VPS8: variants seen among roughly 807,000 people sequenced by gnomAD.
VPS8 encodes VPS8 subunit of CORVET complex.
A neutral mutation model predicts 216.4 loss-of-function variants in VPS8; 129 were observed. The observed-to-expected ratio is 0.60, with a 90% CI of 0.52 to 0.69. VPS8 has a LOEUF of 0.69. VPS8 is among the 30% of genes least tolerant of loss of function. The pLI, the probability that VPS8 is intolerant of heterozygous loss-of-function variation, is 0.00. For synonymous variants in VPS8, 571 were observed against 565.4 expected (o/e 1.01, Z -0.14); for missense variants, 1,531 against 1,683.5 (o/e 0.91, Z 1.59).
At chr3:184,979,987 G>C (rs758959105) in intron 40 of VPS8, among the ~76,000 whole-genome samples, 50 of 152,218 alleles carry the variant, frequency 3.3e-4, no homozygotes, top group Non-Finnish European at 6.5e-4. Context: ...AGACATGTCT[G>C]GTGGTAACGA....
rs749770164 is a variant in VPS8, at chr3:184,855,784, C to T, written c.1109C>T (p.Ala370Val). The T allele has an allele frequency of 6.2e-7, 1 of 1,613,660 alleles. No individual in the cohort carries two copies. Among genetic ancestry groups the T allele is most frequent in the Admixed American group, 1.7e-5 (1 of 59,958 alleles). ...CAAAATTACGTGAATCCCATGCTTGCCTTCTGCAGAGGAGATGTTGTTCAT... is the reference window on the plus strand; with the variant it reads ...CAAAATTACGTGAATCCCATGCTTGTCTTCTGCAGAGGAGATGTTGTTCAT... ...AVQNYVNPML[A>V]FCRGDVVHFL... is the part of the protein sequence containing the mutation. Residue 370 changes from alanine to valine, a missense_variant, in exon 14 of 48, where the codon GCC (alanine) becomes GTC (valine). By Grantham distance (64) the Ala-to-Val change is moderately conservative (BLOSUM62 0). Around this residue, in one of 3 missense-constraint regions of VPS8, gnomAD observed 1,318 missense variants for 1,468.4 expected, o/e 0.90. Coordinates refer to ENST00000625842, the MANE Select transcript of VPS8 (RefSeq NM_001009921.3).
chr3:184,947,354 T>C (rs968506265), intron 36 of VPS8, among the ~76,000 whole-genome samples: 26 of 152,264 alleles, frequency 1.7e-4, no homozygotes, highest in Middle Eastern at 3.4e-3. Flanking sequence ...GGTGGGTAGC[T>C]CTGGAGAGAT....
Position 184,976,091 on chromosome 3 carries a change from T to G in VPS8, c.3420+4339T>G, listed in dbSNP as rs548692276. On this transcript the variant is annotated intron_variant, in intron 40 of 47. Coordinates refer to ENST00000625842, the MANE Select transcript of VPS8 (RefSeq NM_001009921.3). ...AGCTCCCATTGTAATTATGTGTATA[T>G]GTTTATAATTATTATACATTTCCAT... Among the ~76,000 whole-genome samples the G allele has an allele frequency of 4.6e-5, 7 of 152,296 alleles. No individual in the cohort carries two copies. The South Asian group carries it at 1.4e-3, about 32-fold the overall frequency.
In VPS8 at chr3:184,856,270, A is replaced by C. The variant is rs116289521; in HGVS notation, c.1143+452A>C. Among the ~76,000 whole-genome samples, 21 of 152,344 alleles carry C rather than the reference A, an allele frequency of 1.4e-4. No homozygotes were observed. In the East Asian group the frequency reaches 3.9e-3, roughly 28 times the overall value. ...TTTGAAAAGCAAAATCAGTGTGTTCATTATTACTACAGAAAATGGTTTAAG... is the reference window on the plus strand; with the variant it reads ...TTTGAAAAGCAAAATCAGTGTGTTCCTTATTACTACAGAAAATGGTTTAAG... On this transcript the variant is annotated intron_variant, in intron 14 of 47. Coordinates refer to ENST00000625842, the MANE Select transcript of VPS8 (RefSeq NM_001009921.3).
At chr3:184,908,514 G>T (rs952416339) in intron 25 of VPS8, among the ~76,000 whole-genome samples, 1 of 152,236 alleles carries the variant, frequency 6.6e-6, no homozygotes, top group Non-Finnish European at 1.5e-5. Context: ...CCCAGATGGG[G>T]TGTTAGTGTG....
intron 34 of VPS8, among the ~76,000 whole-genome samples, chr3:184,933,201 A>C (rs185219402): frequency 2.1e-3 from 325 of 152,324 alleles, no homozygotes; most frequent in Middle Eastern, 0.01. Flanking sequence ...GCACTGTATG[A>C]GAGTTCCTAT....
intron 23 of VPS8, among the ~76,000 whole-genome samples, chr3:184,898,322 A>C (rs1192212910): frequency 1.3e-5 from 2 of 152,204 alleles, no homozygotes; most frequent in Non-Finnish European, 2.9e-5. Flanking sequence ...GGAAGGATAG[A>C]GAAGAAACAA....
intron 36 of VPS8, among the ~76,000 whole-genome samples, chr3:184,950,893 G>A (rs1408700440): frequency 6.6e-6 from 1 of 152,140 alleles, no homozygotes; most frequent in East Asian, 1.9e-4. Flanking sequence ...CAAAGGACAT[G>A]ATCTCATTCC....
intron 25 of VPS8, among the ~76,000 whole-genome samples, chr3:184,905,674 G>C (rs1436653888): frequency 2.0e-5 from 3 of 149,226 alleles, no homozygotes; most frequent in African/African-American, 7.4e-5. Context: ...TTTGGTTCAG[G>C]GCTCAATATC....
chr3:184,869,413 C>G, intron 19 of VPS8, 69 bp from the exon 20 acceptor site: 1 of 1,470,568 alleles, frequency 6.8e-7, no homozygotes, highest in Non-Finnish European at 9.4e-7. Flanking sequence ...AATATGAAAC[C>G]AGACATAGTT....
intron 2 of VPS8, 127 bp downstream of exon 2, chr3:184,824,912 T>TG: frequency 1.1e-6 from 1 of 933,504 alleles, no homozygotes; most frequent in African/African-American, 1.7e-5. Context: ...ATAATTTTTT[T>TG]TTTTTTTTTT....
At chr3:184,932,017 G>A (rs1740776831) in intron 34 of VPS8, among the ~76,000 whole-genome samples, 1 of 152,116 alleles carries the variant, frequency 6.6e-6, no homozygotes, top group African/African-American at 2.4e-5. Context: ...AAGTATTTTT[G>A]CTACACAATA....
intron 21 of VPS8, among the ~76,000 whole-genome samples, chr3:184,874,216 A>T (rs571748231): frequency 8.5e-5 from 13 of 152,314 alleles, no homozygotes; most frequent in Non-Finnish European, 1.8e-4. Flanking sequence ...AAGATAGTAT[A>T]TTCCTGGAAT....
chr3:185,024,325 T>G lies in VPS8; in HGVS notation c.4003-11T>G. 3 of 1,580,568 alleles carry G rather than the reference T, an allele frequency of 1.9e-6. No homozygotes were observed. The highest frequency in any genetic ancestry group is 2.6e-6 in the Non-Finnish European group (3 of 1,161,572). On this transcript the variant is annotated splice_polypyrimidine_tract_variant and intron_variant, in intron 45 of 47. Transcript: ENST00000625842. ...TGAAAGGGTATTAAAATGTTTGCCT[T>G]TTTTTTCCAGGTAAAAATGTCTCCA...
At chr3:185,030,286 T>C (rs1577220475) in intron 46 of VPS8, among the ~76,000 whole-genome samples, 1 of 152,196 alleles carries the variant, frequency 6.6e-6, no homozygotes, top group Non-Finnish European at 1.5e-5. Context: ...CACAGAAAAG[T>C]TGGGTCTGTT....
At chr3:184,971,601 T>G (rs1383313592) in intron 39 of VPS8, 48 bp from the exon 40 acceptor site, 4 of 1,465,006 alleles carry the variant, frequency 2.7e-6, no homozygotes, top group African/African-American at 1.4e-5. Context: ...GCTCTGAGAT[T>G]ATCAGCAACA....
intron 3 of VPS8, among the ~76,000 whole-genome samples, chr3:184,827,260 A>G (rs1281715685): frequency 6.6e-6 from 1 of 151,862 alleles, no homozygotes; most frequent in Non-Finnish European, 1.5e-5. Context: ...TATGTCTTTT[A>G]TTTTTCTTGT....
chr3:185,046,593 A>G (rs1264874869), intron 46 of VPS8, among the ~76,000 whole-genome samples: 3 of 152,080 alleles, frequency 2.0e-5, no homozygotes, highest in African/African-American at 4.8e-5. Context: ...ATTTCATCCC[A>G]TTGTTCTTTC....
chr3:184,931,976 C>T lies in VPS8; in HGVS notation c.2898+1408C>T, dbSNP rs1576884341. Among the ~76,000 whole-genome samples, 3 of 152,102 alleles carry T rather than the reference C, an allele frequency of 2.0e-5. No individual in the cohort carries two copies. The East Asian group carries it at 5.8e-4, about 29-fold the overall frequency. ...TAAATTAATCAATGAGCAAACATTG[C>T]TCAGCAAAAAACTCAAGCTAGGGGA... On this transcript the variant is annotated intron_variant, in intron 34 of 47. Coordinates refer to ENST00000625842, the MANE Select transcript of VPS8 (RefSeq NM_001009921.3).
Sources: gnomAD v4.1 joint callset for allele counts (sites outside exome capture counted in the v4.1 genomes callset) on GRCh38, gnomAD v4.1.1 for gene constraint, gnomAD v4.1.1 regional missense constraint, MANE v1.5 for transcripts, NCBI Gene and HGNC (gene_info 2026-07-23, HGNC 2026-07-21) for gene names.